The following FANCC variants were observed in gnomAD, a reference collection of about 807,000 sequenced individuals.
FANCC encodes the protein FA complementation group C, also known as Fanconi anemia group C protein.
In FANCC, 55 loss-of-function variants were observed where a neutral mutation model predicts 71.3. That is an observed-to-expected ratio of 0.77 (90% CI 0.62 to 0.97). The LOEUF is 0.97. FANCC is among the 50% of genes least tolerant of loss of function. The pLI is 0.00. For synonymous variants in FANCC, 275 were observed against 244.9 expected, an observed-to-expected ratio of 1.12 and a Z score of -1.15; for missense variants, 678 against 670.9, an observed-to-expected ratio of 1.01 and a Z score of -0.12.
Position 95,140,592 on chromosome 9 carries a change from A to T in FANCC, c.687-5090T>A, listed in dbSNP as rs574018946. On this transcript the variant is annotated intron_variant, in intron 7 of 14. Transcript: ENST00000289081. ...TGTTCTAAAGCTGTCTGAGCAGTAGAGGGGAGGCCAGGGCTTCCTCAGCCA... is the reference window on the plus strand; with the variant it reads ...TGTTCTAAAGCTGTCTGAGCAGTAGTGGGGAGGCCAGGGCTTCCTCAGCCA... Among the ~76,000 whole-genome samples the T allele has an allele frequency of 3.3e-5, 5 of 152,298 alleles. No homozygotes were observed. In the South Asian group the frequency reaches 1.0e-3, roughly 32 times the overall value.
At chr9:95,219,010 A>C (rs1829055989) in intron 4 of FANCC, among the ~76,000 whole-genome samples, 1 of 152,248 alleles carries the variant, frequency 6.6e-6, no homozygotes, top group Non-Finnish European at 1.5e-5. Context: ...AGAGACAAAG[A>C]GACCCAATTC....
At chr9:95,254,901 TC>T in intron 1 of FANCC, among the ~76,000 whole-genome samples, 1 of 151,950 alleles carries the variant, frequency 6.6e-6, no homozygotes, top group Non-Finnish European at 1.5e-5. Context: ...GGGAGGGGCG[TC>T]CCCCATTACT....
chr9:95,102,877 C>G (rs6479599), intron 14 of FANCC, among the ~76,000 whole-genome samples: 151,876 of 152,348 alleles, frequency 1, 75,705 homozygotes, highest in Middle Eastern at 1. Flanking sequence ...CTCGGCCCCC[C>G]CTGGCAGCAC....
At chr9:95,130,299 TGAGAGAGAGA>T (rs3030652) in intron 8 of FANCC, among the ~76,000 whole-genome samples, 2 of 149,276 alleles carry the variant, frequency 1.3e-5, no homozygotes, top group Admixed American at 1.3e-4. Flanking sequence ...TGTGTGTGTG[TGAGAGAGAGA>T]GAGAGAGAGA....
At chr9:95,233,156 GAATA>G (rs1830111613) in intron 4 of FANCC, among the ~76,000 whole-genome samples, 1 of 151,152 alleles carries the variant, frequency 6.6e-6, no homozygotes, top group Non-Finnish European at 1.5e-5. Flanking sequence ...GAAAAGCAAT[GAATA>G]AATATCCCCT....
At chr9:95,232,567 T>G (rs183713335) in intron 4 of FANCC, among the ~76,000 whole-genome samples, 5 of 152,344 alleles carry the variant, frequency 3.3e-5, no homozygotes, top group African/African-American at 1.2e-4. Flanking sequence ...ATTTTTTTCT[T>G]GCAATTGTGT....
At chr9:95,267,033 A>C (rs1832421908) in intron 1 of FANCC, among the ~76,000 whole-genome samples, 1 of 152,216 alleles carries the variant, frequency 6.6e-6, no homozygotes, top group South Asian at 2.1e-4. Context: ...CATTTCTATG[A>C]AATCGATACG....
chr9:95,229,170 C>T (rs1030198649), intron 4 of FANCC, among the ~76,000 whole-genome samples: 4 of 151,830 alleles, frequency 2.6e-5, no homozygotes, highest in East Asian at 1.9e-4. Context: ...TGGTGGCAGG[C>T]GCCTGTAATC....
rs568920486 is a variant in FANCC, at chr9:95,182,219, C to CAA, written c.346-10074_346-10073dup. On this transcript the variant is annotated intron_variant, in intron 4 of 14. Coordinates refer to ENST00000289081, the MANE Select transcript of FANCC (RefSeq NM_000136.3). Reference sequence around the variant, plus strand: ...GGCATATCTCTTTATACAAAATATACAAAAAAAAAAAAAGGTGTTGGCCAG... The same window carrying CAA: ...GGCATATCTCTTTATACAAAATATACAAAAAAAAAAAAAAAGGTGTTGGCCAG... 5.3e-5 allele frequency among the ~76,000 whole-genome samples: 7 copies of CAA among 131,954 alleles called. 1 individual carries two copies. The South Asian group carries it at 7.2e-4, about 13-fold the overall frequency. The allele number at this position is 131,954 out of a possible 152,430, so 86.6% of individuals were successfully genotyped here.
At chr9:95,129,813 G>T (rs1315289097) in intron 8 of FANCC, among the ~76,000 whole-genome samples, 1 of 152,136 alleles carries the variant, frequency 6.6e-6, no homozygotes, top group Non-Finnish European at 1.5e-5. Context: ...TGCCCAGGAT[G>T]ACTAGGGAGC....
intron 2 of FANCC, among the ~76,000 whole-genome samples, 179 bp downstream of exon 2, chr9:95,248,948 T>A (rs1298129569): frequency 6.6e-6 from 1 of 152,100 alleles, no homozygotes; most frequent in African/African-American, 2.4e-5. Flanking sequence ...AAGAAGAAAT[T>A]ATAATAATAT....
chr9:95,306,262 G>A (rs1166856395), intron 1 of FANCC, among the ~76,000 whole-genome samples: 1 of 152,144 alleles, frequency 6.6e-6, no homozygotes, highest in Non-Finnish European at 1.5e-5. Flanking sequence ...GTTTGTGTTT[G>A]TGAAATTTGA....
At chr9:95,267,905 G>C (rs1490474129) in intron 1 of FANCC, among the ~76,000 whole-genome samples, 2 of 152,212 alleles carry the variant, frequency 1.3e-5, no homozygotes, top group Non-Finnish European at 2.9e-5. Context: ...CTAGACAGTA[G>C]ACTGGAGAGG....
At chr9:95,113,226 C>T (rs1446969666) in intron 12 of FANCC, among the ~76,000 whole-genome samples, 1 of 152,198 alleles carries the variant, frequency 6.6e-6, no homozygotes, top group Non-Finnish European at 1.5e-5. Flanking sequence ...AAGGAGTGAG[C>T]AGCTGGCACC....
rs376879716 is a variant in FANCC at position 95,203,362 on chromosome 9, G to T, written c.346-31215C>A. ...ACTTCAGCCTCGTGGCTGGGTGACA[G>T]AACAAGACCCTGTCTCAAAAAAAAA... On this transcript the variant is annotated intron_variant, in intron 4 of 14. Transcript: ENST00000289081. Among the ~76,000 whole-genome samples the T allele has an allele frequency of 1.8e-3, 169 of 92,190 alleles. 2 individuals are homozygous for T. The highest frequency in any genetic ancestry group is 7.0e-3 in the African/African-American group (164 of 23,280). The allele number at this position is 92,190 out of a possible 152,430, so 60.5% of individuals were successfully genotyped here. A position where few individuals can be genotyped will look rare whatever the true frequency, so the allele number is the denominator to read the frequency against.
chr9:95,304,617 G>T (rs910182138), intron 1 of FANCC, among the ~76,000 whole-genome samples: 1 of 151,374 alleles, frequency 6.6e-6, no homozygotes, highest in Non-Finnish European at 1.5e-5. Flanking sequence ...GGGCGTGGTG[G>T]CGAGCGCCTG....
intron 4 of FANCC, among the ~76,000 whole-genome samples, chr9:95,181,033 T>G (rs976525539): frequency 1.3e-5 from 2 of 151,876 alleles, no homozygotes; most frequent in African/African-American, 4.8e-5. Context: ...AAAATGAAAA[T>G]GTAGTATCTC....
intron 7 of FANCC, among the ~76,000 whole-genome samples, chr9:95,144,446 T>C (rs541665832): frequency 1.3e-5 from 2 of 152,320 alleles, no homozygotes; most frequent in East Asian, 1.9e-4. Context: ...GTGGGCCTGC[T>C]TGGGGAGCCG....
intron 12 of FANCC, 64 bp downstream of exon 12, chr9:95,114,565 G>T: frequency 7.2e-7 from 1 of 1,397,204 alleles, no homozygotes; most frequent in South Asian, 1.2e-5. Context: ...CTGCTCAAAG[G>T]GCAGATGAGG....
Sources: gnomAD v4.1 joint callset for allele counts (sites outside exome capture counted in the v4.1 genomes callset) on GRCh38, gnomAD v4.1.1 for gene constraint, MANE v1.5 for transcripts, NCBI Gene and HGNC (gene_info 2026-07-23, HGNC 2026-07-21) for gene names.